TMEM273: variants seen among roughly 807,000 people sequenced by gnomAD.
TMEM273 encodes the protein transmembrane protein 273.
TMEM273 carries 19 observed loss-of-function variants against 17.9 expected under a neutral mutation model. That is an observed-to-expected ratio of 1.06 (90% CI 0.74 to 1.55). The LOEUF is 1.55. Ranked by LOEUF, TMEM273 falls within the 40% of genes most tolerant of loss-of-function variation. The pLI is 0.00. For synonymous variants in TMEM273, 66 were observed against 62.0 expected (o/e 1.07, Z -0.31); for missense variants, 194 against 155.6 (o/e 1.25, Z -1.31).
intron 4 of TMEM273, 169 bp from the exon 5 acceptor site, chr10:49,165,452 G>C: frequency 6.8e-7 from 1 of 1,476,002 alleles, no homozygotes; most frequent in Non-Finnish European, 9.0e-7. Flanking sequence ...ACAGGGGCTG[G>C]AGGCCTCATT....
At chr10:49,177,904 C>T (rs967903671) in intron 1 of TMEM273, among the ~76,000 whole-genome samples, 3 of 152,308 alleles carry the variant, frequency 2.0e-5, no homozygotes, top group Admixed American at 6.5e-5. Context: ...ACCTTGAGCT[C>T]AGGCCACACA....
Position 49,165,770 on chromosome 10 carries a change from G to T in TMEM273, c.265C>A (p.Pro89Thr). Reference sequence around the variant, plus strand: ...CTGTGTGGGCAGTGACCTTACCTTGGGGCTCTCTTCTTTAGCGGGATGGTG... The same window carrying T: ...CTGTGTGGGCAGTGACCTTACCTTGTGGCTCTCTTCTTTAGCGGGATGGTG... ...SDTIPLKKRA[P>T]RKLQASTLFS... is the part of the protein sequence containing the mutation. The change falls in exon 4 of 7, where the codon CCA becomes ACA. Residue 89 changes from proline (P) to threonine (T), a missense_variant. Physicochemically the swap from Pro to Thr is conservative, Grantham distance 38. Coordinates refer to ENST00000374153, the MANE Select transcript of TMEM273 (RefSeq NM_001288740.3). 6.2e-7 allele frequency: 1 copy of T among 1,614,118 alleles called. No individual in the cohort carries two copies.
chr10:49,178,765 A>G (rs887098799), intron 1 of TMEM273, among the ~76,000 whole-genome samples: 1 of 152,204 alleles, frequency 6.6e-6, no homozygotes, highest in Non-Finnish European at 1.5e-5. Context: ...CCTTCGTCTC[A>G]GTATTTAACA....
chr10:49,178,349 A>G (rs1847130094), intron 1 of TMEM273: 4 of 455,748 alleles, frequency 8.8e-6, no homozygotes, highest in Non-Finnish European at 4.4e-6. Flanking sequence ...ATTGACTCAA[A>G]CAAGTGCTAA....
chr10:49,177,069 G>A (rs1564641003), intron 1 of TMEM273, among the ~76,000 whole-genome samples: 1 of 152,212 alleles, frequency 6.6e-6, no homozygotes, highest in Non-Finnish European at 1.5e-5. Context: ...CAGATGGGTA[G>A]AGCAGAAGGA....
intron 1 of TMEM273, among the ~76,000 whole-genome samples, chr10:49,186,033 G>A (rs1426883209): frequency 7.0e-6 from 1 of 143,242 alleles, no homozygotes; most frequent in African/African-American, 2.5e-5. Flanking sequence ...AGAAGAAGAA[G>A]AAAAAGAAGA....
intron 6 of TMEM273, among the ~76,000 whole-genome samples, chr10:49,157,525 A>T (rs1326233159): frequency 6.6e-6 from 1 of 152,206 alleles, no homozygotes; most frequent in Non-Finnish European, 1.5e-5. Flanking sequence ...AAAGAAACAA[A>T]AGTAAAACTA....
intron 1 of TMEM273, among the ~76,000 whole-genome samples, chr10:49,177,530 G>C (rs1027631948): frequency 6.6e-6 from 1 of 152,192 alleles, no homozygotes; most frequent in East Asian, 1.9e-4. Context: ...GCCTCTCTTG[G>C]GGACAGTGGC....
At chr10:49,179,546 T>C (rs566709187) in intron 1 of TMEM273, among the ~76,000 whole-genome samples, 2 of 152,322 alleles carry the variant, frequency 1.3e-5, no homozygotes, top group African/African-American at 4.8e-5. Flanking sequence ...TCTGGAAAGA[T>C]GAAATAGGTT....
chr10:49,167,741 C>A (rs369293846), intron 2 of TMEM273, among the ~76,000 whole-genome samples, 168 bp downstream of exon 2: 17 of 152,176 alleles, frequency 1.1e-4, no homozygotes, highest in African/African-American at 3.6e-4. Flanking sequence ...GCCTTTCCCC[C>A]GAAATAAAGC....
chr10:49,156,004 T>C, intron 6 of TMEM273, 95 bp from the exon 7 acceptor site: 1 of 1,607,532 alleles, frequency 6.2e-7, no homozygotes. Flanking sequence ...ATTAAACAGG[T>C]ATAAAAGCTC....
chr10:49,174,914 C>G (rs970880024), intron 1 of TMEM273, among the ~76,000 whole-genome samples: 1 of 152,190 alleles, frequency 6.6e-6, no homozygotes, highest in African/African-American at 2.4e-5. Context: ...GCAGTCCCTG[C>G]TAATGCGTGA....
intron 1 of TMEM273, among the ~76,000 whole-genome samples, chr10:49,175,125 G>A (rs2132226974): frequency 6.6e-6 from 1 of 152,152 alleles, no homozygotes; most frequent in East Asian, 1.9e-4. Flanking sequence ...CAGAGGACAA[G>A]GTACAAGCAA....
rs761699548 is a variant in TMEM273, at chr10:49,165,193, AG to A, written c.348+11del. 2.5e-5 allele frequency: 38 copies of A among 1,541,596 alleles called. 1 individual carries two copies. In the South Asian group the frequency reaches 4.5e-4, roughly 18 times the overall value. ...GAAGAGAATGGTGGCTGGAGTCGAG[AG>A]GGGATTGTACCTTAAATAGGCCCTC... On this transcript the variant is annotated intron_variant, in intron 5 of 6. Coordinates refer to ENST00000374153, the MANE Select transcript of TMEM273 (RefSeq NM_001288740.3).
chr10:49,177,399 T>C (rs988285722), intron 1 of TMEM273, among the ~76,000 whole-genome samples: 3 of 152,178 alleles, frequency 2.0e-5, no homozygotes, highest in Non-Finnish European at 4.4e-5. Flanking sequence ...AACCTCCCTC[T>C]CTGTTTGCCT....
intron 3 of TMEM273, chr10:49,166,624 A>T: frequency 1.9e-6 from 1 of 532,664 alleles, no homozygotes; most frequent in Non-Finnish European, 3.4e-6. Flanking sequence ...AAAGACAGAG[A>T]CATGGAAAGG....
rs1845830944 is a variant in TMEM273 at position 49,161,385 on chromosome 10, C to T, written c.372+214G>A. Reference sequence around the variant, plus strand: ...CTCTAACTGGGCAAATGCCCCACAGCTTCATGTTAAATCTTGCCAAGTACC... The same window carrying T: ...CTCTAACTGGGCAAATGCCCCACAGTTTCATGTTAAATCTTGCCAAGTACC... On this transcript the variant is annotated intron_variant, in intron 6 of 6. Coordinates refer to ENST00000374153, the MANE Select transcript of TMEM273 (RefSeq NM_001288740.3). 22 of 620,264 alleles carry T rather than the reference C, an allele frequency of 3.5e-5. No individual in the cohort carries two copies. The South Asian group carries it at 4.3e-4, about 12-fold the overall frequency. The allele number at this position is 620,264 out of a possible 1,614,324, so 38.4% of individuals were successfully genotyped here. A position where few individuals can be genotyped will look rare whatever the true frequency, so the allele number is the denominator to read the frequency against.
At chr10:49,168,034 G>A (rs1428684703) in intron 1 of TMEM273, 72 bp from the exon 2 acceptor site, 1 of 1,578,586 alleles carries the variant, frequency 6.3e-7, no homozygotes, top group Admixed American at 1.7e-5. Flanking sequence ...AGTCTCAGAG[G>A]CCTGGGAAAG....
In TMEM273 at chr10:49,165,285, T is replaced by C. The variant is rs1369794101; in HGVS notation, c.270-2A>G. 1.3e-6 allele frequency: 2 copies of C among 1,550,584 alleles called. No homozygotes were observed. The highest frequency in any genetic ancestry group is 2.0e-5 in the Admixed American group (1 of 51,002). On this transcript the variant is annotated splice_acceptor_variant, in intron 4 of 6. Transcript: ENST00000374153. LOFTEE classifies it high-confidence loss of function. The stretch of plus-strand genomic sequence containing the variant: ...AAGAGGGTCGAGGCTTGCAGCTTTC[T>C]GGCAAAGAGCATTCCAATTACAGAA...
Sources: allele counts gnomAD v4.1 joint callset (sites outside exome capture counted in the v4.1 genomes callset), GRCh38; gene constraint gnomAD v4.1.1; transcripts MANE v1.5; gene names NCBI Gene and HGNC (gene_info 2026-07-23, HGNC 2026-07-21).